Variants in LINGO1 observed in about 807,000 individuals in gnomAD.
LINGO1 encodes the protein leucine rich repeat and Ig domain containing 1, also known as leucine-rich repeat and immunoglobulin-like domain-containing nogo receptor-interacting protein 1.
LINGO1 carries 11 observed loss-of-function variants against 37.3 expected under a neutral mutation model. That is an observed-to-expected ratio of 0.29 (90% CI 0.19 to 0.49). The LOEUF (loss-of-function observed/expected upper bound fraction) is 0.49. Among genes scored for constraint, LINGO1 ranks in the 20% least tolerant of loss-of-function variants. The pLI is 0.99. For synonymous variants in LINGO1, 387 were observed against 403.0 expected (o/e 0.96, Z 0.48); for missense variants, 585 against 878.2 (o/e 0.67, Z 4.22).
intron 3 of LINGO1, among the ~76,000 whole-genome samples, chr15:77,664,674 C>T (rs1209283638): frequency 2.6e-5 from 4 of 152,150 alleles, no homozygotes; most frequent in African/African-American, 9.7e-5. Flanking sequence ...TACTTCTATC[C>T]ACCAGGAGCC....
intron 3 of LINGO1, among the ~76,000 whole-genome samples, chr15:77,658,906 C>A (rs2074926741): frequency 6.6e-6 from 1 of 152,076 alleles, no homozygotes; most frequent in Non-Finnish European, 1.5e-5. Flanking sequence ...GCCCGTGGGC[C>A]CTGGAATAGA....
At chr15:77,772,394 G>C (rs145715812) in intron 1 of LINGO1, among the ~76,000 whole-genome samples, 1 of 152,180 alleles carries the variant, frequency 6.6e-6, no homozygotes, top group African/African-American at 2.4e-5. Context: ...CGTAAGAGGA[G>C]GGTGCAAGCA....
chr15:77,733,410 G>A (rs1414577589), intron 2 of LINGO1, among the ~76,000 whole-genome samples: 1 of 152,134 alleles, frequency 6.6e-6, no homozygotes, highest in Non-Finnish European at 1.5e-5. Flanking sequence ...ACATCTTCAT[G>A]GATGCAGCCT....
chr15:77,744,619 T>C (rs776373604), intron 1 of LINGO1, among the ~76,000 whole-genome samples: 3 of 152,276 alleles, frequency 2.0e-5, no homozygotes, highest in African/African-American at 7.2e-5. Flanking sequence ...AAACTTTACA[T>C]GTATAAACTC....
At chr15:77,735,572 T>C (rs965050880) in intron 1 of LINGO1, among the ~76,000 whole-genome samples, 1 of 152,214 alleles carries the variant, frequency 6.6e-6, no homozygotes, top group African/African-American at 2.4e-5. Context: ...TGGCTCACCC[T>C]GGGACCCTAA....
At chr15:77,800,267 C>A (rs2076906835) in intron 1 of LINGO1, among the ~76,000 whole-genome samples, 1 of 152,176 alleles carries the variant, frequency 6.6e-6, no homozygotes, top group Non-Finnish European at 1.5e-5. Flanking sequence ...GCCATCCTGT[C>A]CCCAACTAAG....
chr15:77,614,548 C>T lies in LINGO1; in HGVS notation c.1359G>A (p.Pro453=), dbSNP rs370042281. ...QFVCRADGDP[P]PAILWLSPRK... The stretch of plus-strand genomic sequence containing the variant: ...GGGGTGAGAGCCAGAGGATGGCGGG[C>T]GGCGGGTCGCCATCGGCCCGGCACA... Residue 453 remains proline (P), a synonymous_variant, in exon 2 of 2, where the codon CCG becomes CCA. Transcript: ENST00000355300. 1.3e-4 allele frequency: 214 copies of T among 1,609,990 alleles called. No homozygotes were observed. The highest frequency in any genetic ancestry group is 1.6e-4 in the Non-Finnish European group (192 of 1,179,230).
chr15:77,746,905 T>C (rs2076319925), intron 1 of LINGO1, among the ~76,000 whole-genome samples: 1 of 152,010 alleles, frequency 6.6e-6, no homozygotes, highest in Admixed American at 6.6e-5. Context: ...AGGAGGGTGC[T>C]GAAAGGGGCC....
At chr15:77,714,468 C>T (rs2075959002) in intron 2 of LINGO1, among the ~76,000 whole-genome samples, 1 of 152,104 alleles carries the variant, frequency 6.6e-6, no homozygotes, top group Non-Finnish European at 1.5e-5. Flanking sequence ...CTCATTTGGC[C>T]CTCTCTCCCC....
intron 1 of LINGO1, among the ~76,000 whole-genome samples, chr15:77,748,606 C>T (rs535151205): frequency 5.3e-5 from 8 of 152,308 alleles, no homozygotes; most frequent in African/African-American, 1.9e-4. Flanking sequence ...TGGAGGAAGG[C>T]GGGCCCCTGC....
At chr15:77,781,957 A>C (rs2076722226) in intron 1 of LINGO1, among the ~76,000 whole-genome samples, 2 of 152,228 alleles carry the variant, frequency 1.3e-5, no homozygotes, top group Admixed American at 1.3e-4. Flanking sequence ...GGGAAGGCAG[A>C]GGGAAGCAGC....
intron 1 of LINGO1, among the ~76,000 whole-genome samples, chr15:77,631,657 A>G (rs1281161881): frequency 1.3e-5 from 2 of 152,228 alleles, no homozygotes; most frequent in Non-Finnish European, 2.9e-5. Flanking sequence ...CTTAGAATGA[A>G]AAGTGGGGCA....
chr15:77,739,155 G>C (rs2141345323), intron 1 of LINGO1, among the ~76,000 whole-genome samples: 1 of 152,366 alleles, frequency 6.6e-6, no homozygotes, highest in Non-Finnish European at 1.5e-5. Context: ...CCGGCGGGGG[G>C]CCAGGATGCC....
intron 1 of LINGO1, among the ~76,000 whole-genome samples, chr15:77,815,002 C>T (rs753031820): frequency 6.6e-6 from 1 of 152,218 alleles, no homozygotes; most frequent in Non-Finnish European, 1.5e-5. Context: ...GCTGCCTATC[C>T]GGCTGCCCTG....
chr15:77,751,803 T>C (rs1182923860), intron 1 of LINGO1, among the ~76,000 whole-genome samples: 1 of 151,950 alleles, frequency 6.6e-6, no homozygotes, highest in Non-Finnish European at 1.5e-5. Flanking sequence ...CTCAGACGGG[T>C]GGAGAGCAGG....
intron 3 of LINGO1, chr15:77,648,734 G>A (rs1173557242): frequency 6.6e-6 from 1 of 152,290 alleles, no homozygotes; most frequent in Non-Finnish European, 1.5e-5. Flanking sequence ...GGCCCCCCGG[G>A]ACCGTACTGA....
chr15:77,633,947 A>T (rs2074341565), upstream of LINGO1, among the ~76,000 whole-genome samples: 1 of 152,168 alleles, frequency 6.6e-6, no homozygotes, highest in Admixed American at 6.5e-5. Context: ...CCACCAAGCC[A>T]GTTTTATTAG....
At chr15:77,780,147 C>T (rs1476320552) in intron 1 of LINGO1, among the ~76,000 whole-genome samples, 2 of 152,172 alleles carry the variant, frequency 1.3e-5, no homozygotes, top group East Asian at 3.8e-4. Context: ...GTATGAACAC[C>T]AAGAACAAAA....
intron 2 of LINGO1, among the ~76,000 whole-genome samples, chr15:77,794,325 CATAT>C (rs1245967935): frequency 8.0e-6 from 1 of 125,282 alleles, no homozygotes; most frequent in Non-Finnish European, 1.7e-5. Flanking sequence ...TATATACATA[CATAT>C]ATGTATATAC....
Sources: allele counts gnomAD v4.1 joint callset (sites outside exome capture counted in the v4.1 genomes callset), GRCh38; gene constraint gnomAD v4.1.1; transcripts MANE v1.5; gene names NCBI Gene and HGNC (gene_info 2026-07-23, HGNC 2026-07-21).